ASIC2: variants seen among roughly 807,000 people sequenced by gnomAD.
ASIC2 encodes acid-sensing ion channel 2.
A neutral mutation model predicts 57.3 loss-of-function variants in ASIC2; 25 were observed. The observed-to-expected ratio is 0.44, with a 90% confidence interval of 0.32 to 0.61. ASIC2 has a LOEUF of 0.61. ASIC2 is among the 20% of genes least tolerant of loss of function. ASIC2 has a pLI of 0.06. For missense variants in ASIC2, 641 were observed against 738.1 expected (o/e 0.87, Z 1.52); for synonymous variants, 319 against 307.5 (o/e 1.04, Z -0.39).
At chr17:33,995,479 G>T (rs1906128505) in intron 1 of ASIC2, among the ~76,000 whole-genome samples, 2 of 152,024 alleles carry the variant, frequency 1.3e-5, no homozygotes, top group Admixed American at 1.3e-4. Flanking sequence ...CTCTGTGTAT[G>T]TATGTGTATG....
At position 33,112,067 on chromosome 17, in the gene ASIC2, C is replaced by T; in HGVS notation, c.709G>A (p.Val237Met). The T allele has an allele frequency of 6.2e-7, 1 of 1,612,502 alleles. No homozygotes were observed. Among genetic ancestry groups the T allele is most frequent in the Non-Finnish European group, 8.5e-7 (1 of 1,179,262 alleles). ...ELCGPHNFSS[V>M]FTKYGKCYMF... ...TAACACTTCCCATATTTTGTAAACA[C>T]CTGAAGGAGAGAAGAGAGAGAGAGA... Residue 237 changes from valine (V) to methionine (M), a missense_variant and splice_region_variant, in exon 2 of 10, where the codon GTG (valine) becomes ATG (methionine). Physicochemically the swap from Val to Met is conservative, Grantham distance 21 (BLOSUM62 1). Around this residue, in one of 3 missense-constraint regions of ASIC2, gnomAD observed 382 missense variants for 398.0 expected, o/e 0.96. Transcript: ENST00000225823.
chr17:33,974,127 T>A (rs949049295), intron 1 of ASIC2, among the ~76,000 whole-genome samples: 4 of 152,100 alleles, frequency 2.6e-5, no homozygotes, highest in Non-Finnish European at 5.9e-5. Flanking sequence ...TAGGTTTTTT[T>A]TTTCTCCTCA....
At chr17:33,488,403 C>T (rs182252191) in intron 1 of ASIC2, among the ~76,000 whole-genome samples, 2 of 152,298 alleles carry the variant, frequency 1.3e-5, no homozygotes, top group African/African-American at 2.4e-5. Flanking sequence ...CACTGCATAT[C>T]CTTTATTATT....
At chr17:33,997,851 T>C (rs911934594) in intron 1 of ASIC2, among the ~76,000 whole-genome samples, 2 of 152,208 alleles carry the variant, frequency 1.3e-5, no homozygotes, top group African/African-American at 4.8e-5. Context: ...TGTAGTGTTC[T>C]TGTTTGGCTT....
At chr17:34,112,924 A>G (rs753755737) in intron 1 of ASIC2, among the ~76,000 whole-genome samples, 2 of 152,192 alleles carry the variant, frequency 1.3e-5, no homozygotes, top group Non-Finnish European at 2.9e-5. Flanking sequence ...GGTTGCGTCA[A>G]TCATGTCCCT....
At chr17:33,690,850 C>T (rs551860332) in intron 1 of ASIC2, among the ~76,000 whole-genome samples, 37 of 148,368 alleles carry the variant, frequency 2.5e-4, no homozygotes, top group African/African-American at 8.1e-4. Context: ...CCCAGATTCA[C>T]GCCATTCTCC....
chr17:33,602,590 C>T (rs533396526), intron 1 of ASIC2, among the ~76,000 whole-genome samples: 1 of 152,266 alleles, frequency 6.6e-6, no homozygotes, highest in African/African-American at 2.4e-5. Context: ...GTTATAGCAG[C>T]ACAAAATAAA....
intron 1 of ASIC2, among the ~76,000 whole-genome samples, chr17:33,426,435 C>G (rs1911223641): frequency 1.3e-5 from 2 of 152,314 alleles, no homozygotes; most frequent in South Asian, 4.1e-4. Context: ...GGGGCTGAGG[C>G]AAACTCTTGA....
chr17:33,726,538 T>A (rs999839722), intron 1 of ASIC2, among the ~76,000 whole-genome samples: 1 of 152,188 alleles, frequency 6.6e-6, no homozygotes. Flanking sequence ...TCCTTCCCTG[T>A]CTCAGGCTTT....
At chr17:33,480,806 C>G (rs1913379544) in intron 1 of ASIC2, among the ~76,000 whole-genome samples, 1 of 152,162 alleles carries the variant, frequency 6.6e-6, no homozygotes, top group African/African-American at 2.4e-5. Context: ...CACCCACTCT[C>G]AAGGCCACAC....
At chr17:34,089,106 C>A (rs918638278) in intron 1 of ASIC2, among the ~76,000 whole-genome samples, 1 of 152,214 alleles carries the variant, frequency 6.6e-6, no homozygotes, top group African/African-American at 2.4e-5. Flanking sequence ...GATGGAAATG[C>A]AGAAATCACC....
At chr17:33,470,719 A>C (rs997801265) in intron 1 of ASIC2, among the ~76,000 whole-genome samples, 1 of 152,164 alleles carries the variant, frequency 6.6e-6, no homozygotes, top group Non-Finnish European at 1.5e-5. Context: ...ATGCTTCTCT[A>C]TCTTGGACCT....
At position 33,231,224 on chromosome 17, in the gene ASIC2, A is replaced by G. The variant is rs150798683; in HGVS notation, c.708+60184T>C. Among the ~76,000 whole-genome samples, 1,066 of 152,306 alleles carry G rather than the reference A, an allele frequency of 7.0e-3. 16 individuals are homozygous for G. The highest frequency in any genetic ancestry group is 0.024 in the African/African-American group (1,013 of 41,564). On this transcript the variant is annotated intron_variant, in intron 1 of 9. Coordinates refer to ENST00000225823, the MANE Select transcript of ASIC2 (RefSeq NM_183377.2). The stretch of plus-strand genomic sequence containing the variant: ...CTCGCTATCAGGGTCAGGACATGGC[A>G]TCAACTGGCTAGGTGTTCATCTTCC...
intron 1 of ASIC2, among the ~76,000 whole-genome samples, chr17:34,108,400 T>G (rs1474060199): frequency 6.6e-6 from 1 of 152,128 alleles, no homozygotes; most frequent in Non-Finnish European, 1.5e-5. Context: ...GATTTCTTAT[T>G]TGAACTATAG....
At chr17:33,239,657 T>C (rs1242855873) in intron 1 of ASIC2, among the ~76,000 whole-genome samples, 1 of 152,194 alleles carries the variant, frequency 6.6e-6, no homozygotes, top group Non-Finnish European at 1.5e-5. Context: ...TCAGTGAGTG[T>C]TATTAGCCTT....
intron 1 of ASIC2, among the ~76,000 whole-genome samples, chr17:33,615,053 T>G (rs1905552831): frequency 6.6e-6 from 1 of 152,214 alleles, no homozygotes; most frequent in Admixed American, 6.5e-5. Context: ...TATTAAAGAT[T>G]TCTTCCTCTT....
intron 1 of ASIC2, among the ~76,000 whole-genome samples, chr17:33,561,700 G>A (rs1916077858): frequency 6.6e-6 from 1 of 151,860 alleles, no homozygotes; most frequent in Non-Finnish European, 1.5e-5. Context: ...GTTTGGATGT[G>A]TGTATTGAAA....
intron 1 of ASIC2, among the ~76,000 whole-genome samples, chr17:33,917,721 C>A (rs1915613500): frequency 6.6e-6 from 1 of 152,136 alleles, no homozygotes; most frequent in African/African-American, 2.4e-5. Flanking sequence ...TATAATTCAA[C>A]AAACATTAAT....
intron 1 of ASIC2, among the ~76,000 whole-genome samples, chr17:33,746,315 CACATATAT>C (rs1308538618): frequency 2.7e-5 from 4 of 148,112 alleles, no homozygotes; most frequent in African/African-American, 1.0e-4. Flanking sequence ...TATACATGTA[CACATATAT>C]ACATATATGT....
Sources: allele counts gnomAD v4.1 joint callset (sites outside exome capture counted in the v4.1 genomes callset), GRCh38; gene constraint gnomAD v4.1.1; regional missense constraint gnomAD v4.1.1; transcripts MANE v1.5; gene names NCBI Gene and HGNC (gene_info 2026-07-23, HGNC 2026-07-21).